The following LRP1B variants were observed in gnomAD, a reference collection of about 807,000 sequenced individuals.
LRP1B encodes low-density lipoprotein receptor-related protein 1B.
A neutral mutation model predicts 556.6 loss-of-function variants in LRP1B; 217 were observed. The ratio of observed to expected loss-of-function variants is 0.39; its 90% confidence interval spans 0.35 to 0.44. LRP1B has a LOEUF of 0.44. Ranked by LOEUF, LRP1B falls within the 20% of genes least tolerant of loss-of-function variation. The pLI is 1.00. For missense variants in LRP1B, 5,053 were observed against 5,620.8 expected (o/e 0.90, Z 3.23); for synonymous variants, 2,047 against 1,865.8 (o/e 1.10, Z -2.50).
chr2:140,505,962 G>T lies in LRP1B; in HGVS notation c.8521+834C>A, dbSNP rs147063980. ...ATTGATGCTATCATTAAAGTTGTAG[G>T]TTGTATAGATATTATATATAACATA... is the stretch of plus-strand genomic sequence containing the variant. On this transcript the variant is annotated intron_variant, in intron 53 of 90. Transcript: ENST00000389484. Among the ~76,000 whole-genome samples, 667 of 152,036 alleles carry T rather than the reference G, an allele frequency of 4.4e-3. 6 individuals are homozygous for T. Among genetic ancestry groups the T allele is most frequent in the African/African-American group, 0.016 (648 of 41,476 alleles).
At chr2:141,769,824 C>G (rs1694840350) in intron 2 of LRP1B, among the ~76,000 whole-genome samples, 1 of 90,460 alleles carries the variant, frequency 1.1e-5, no homozygotes, top group Admixed American at 9.9e-5. Flanking sequence ...GTTACTGAGA[C>G]AGGGACTGTT....
chr2:140,891,650 C>T (rs964511171), intron 23 of LRP1B, among the ~76,000 whole-genome samples: 2 of 152,030 alleles, frequency 1.3e-5, no homozygotes, highest in African/African-American at 4.8e-5. Context: ...ACTTGCTTCC[C>T]TCCATTTCTC....
At chr2:141,017,644 C>CAT (rs57888884) in intron 12 of LRP1B, among the ~76,000 whole-genome samples, 27,425 of 150,502 alleles carry the variant, frequency 0.18, 2,597 homozygotes, top group East Asian at 0.24. Flanking sequence ...AGAGAGGTTA[C>CAT]ATATATATAT....
At chr2:142,066,554 G>A (rs1014392138) in intron 1 of LRP1B, among the ~76,000 whole-genome samples, 1 of 151,398 alleles carries the variant, frequency 6.6e-6, no homozygotes, top group African/African-American at 2.4e-5. Flanking sequence ...TTTAATGTGT[G>A]CATTTCTTCT....
chr2:141,880,048 TTTAGAAA>T (rs139261973), intron 1 of LRP1B, among the ~76,000 whole-genome samples: 54,941 of 151,610 alleles, frequency 0.36, 11,146 homozygotes, highest in Admixed American at 0.48. Flanking sequence ...CACTTCACAC[TTTAGAAA>T]TTAGAATTAG....
chr2:141,542,044 A>G (rs1039203953), intron 2 of LRP1B, among the ~76,000 whole-genome samples: 5 of 123,326 alleles, frequency 4.1e-5, no homozygotes, highest in African/African-American at 1.4e-4. Context: ...ATTTCACTTC[A>G]AATTATGTAA....
chr2:140,841,000 C>A lies in LRP1B; in HGVS notation c.5032G>T (p.Ala1678Ser), dbSNP rs2105097789. The A allele has an allele frequency of 6.2e-7, 1 of 1,613,484 alleles. No individual in the cohort carries two copies. ...SEFDETQINV[A>S]RLDGSLKTSI... ...GTTTTCAAAGAGCCATCTAGCCTTG[C>A]CACATTAATTTGCGTTTCATCAAAT... is the stretch of plus-strand genomic sequence containing the variant. Residue 1678 changes from alanine to serine, a missense_variant, in exon 30 of 91, where the codon GCA (alanine) becomes TCA (serine). By Grantham distance (99) the Ala-to-Ser change is moderately conservative. Around this residue, in one of 5 missense-constraint regions of LRP1B, gnomAD observed 3,619 missense variants for 3,931.9 expected, o/e 0.92. Transcript: ENST00000389484.
chr2:141,888,760 C>T lies in LRP1B; in HGVS notation c.83-78359G>A, dbSNP rs576775296. Among the ~76,000 whole-genome samples the T allele has an allele frequency of 5.3e-5, 8 of 152,062 alleles. No homozygotes were observed. The South Asian group carries it at 6.2e-4, about 12-fold the overall frequency. ...GCTGACCTGACGGAATGACAGTGCT[C>T]GGGAAGTTAGAAGCTGGAAGTAGGT... On this transcript the variant is annotated intron_variant, in intron 1 of 90. Transcript: ENST00000389484.
intron 1 of LRP1B, among the ~76,000 whole-genome samples, chr2:141,861,808 T>TTA (rs971154521): frequency 6.6e-5 from 10 of 152,126 alleles, no homozygotes; most frequent in Admixed American, 5.9e-4. Flanking sequence ...CAGGTGCCTA[T>TTA]AGTCCCAGTC....
intron 2 of LRP1B, among the ~76,000 whole-genome samples, chr2:141,680,402 A>G (rs1283845060): frequency 6.6e-6 from 1 of 152,174 alleles, no homozygotes; most frequent in African/African-American, 2.4e-5. Flanking sequence ...TGAGCAAATA[A>G]ATGGGAAAAA....
intron 1 of LRP1B, among the ~76,000 whole-genome samples, chr2:142,068,833 T>C (rs1705203861): frequency 6.6e-6 from 1 of 151,608 alleles, no homozygotes; most frequent in Non-Finnish European, 1.5e-5. Flanking sequence ...GGTCGGCTAA[T>C]GGTAATATTT....
chr2:141,894,803 A>G (rs547923832), intron 1 of LRP1B, among the ~76,000 whole-genome samples: 30 of 152,108 alleles, frequency 2.0e-4, no homozygotes, highest in African/African-American at 7.0e-4. Context: ...TAATCCCAGC[A>G]CCTTGGGAGG....
At chr2:141,579,914 A>T (rs1686903984) in intron 2 of LRP1B, among the ~76,000 whole-genome samples, 1 of 151,902 alleles carries the variant, frequency 6.6e-6, no homozygotes, top group African/African-American at 2.4e-5. Context: ...ATTAGCCAGG[A>T]TGGTCTCTGT....
intron 3 of LRP1B, among the ~76,000 whole-genome samples, chr2:141,268,808 C>T (rs1684984295): frequency 6.6e-6 from 1 of 152,016 alleles, no homozygotes. Context: ...ACAGCCAAAA[C>T]CCAGGAATAT....
intron 66 of LRP1B, among the ~76,000 whole-genome samples, chr2:140,390,336 G>A (rs745902803): frequency 5.0e-4 from 76 of 152,104 alleles, no homozygotes; most frequent in African/African-American, 1.8e-3. Flanking sequence ...TTTCAATAAA[G>A]GCCTGTAGTC....
Position 140,956,215 on chromosome 2 carries a change from A to G in LRP1B, c.2888-4275T>C, listed in dbSNP as rs115139008. On this transcript the variant is annotated intron_variant, in intron 18 of 90. Coordinates refer to ENST00000389484, the MANE Select transcript of LRP1B (RefSeq NM_018557.3). The stretch of plus-strand genomic sequence containing the variant: ...TATCCCTGCAATTGTTAACACTAAC[A>G]CCAATTTGCAGAAGAAAACAGTATA... Among the ~76,000 whole-genome samples the G allele has an allele frequency of 1.7e-3, 253 of 151,922 alleles. 1 individual carries two copies. Among genetic ancestry groups the G allele is most frequent in the African/African-American group, 5.9e-3 (245 of 41,542 alleles).
chr2:140,526,064 T>G, intron 48 of LRP1B, 71 bp from the exon 49 acceptor site: 2 of 1,517,404 alleles, frequency 1.3e-6, no homozygotes, highest in Non-Finnish European at 1.8e-6. Context: ...ATGTAGGTCA[T>G]AGAGATGAGA....
intron 31 of LRP1B, among the ~76,000 whole-genome samples, chr2:140,831,908 T>G (rs986309542): frequency 6.6e-6 from 1 of 152,064 alleles, no homozygotes; most frequent in Non-Finnish European, 1.5e-5. Flanking sequence ...CCAACAGATA[T>G]ATGAAAAAAT....
chr2:141,495,092 T>A (rs2105120704), intron 2 of LRP1B, among the ~76,000 whole-genome samples: 1 of 152,106 alleles, frequency 6.6e-6, no homozygotes, highest in Non-Finnish European at 1.5e-5. Context: ...ATCTATGTTG[T>A]AGGCTATAAA....
Sources: allele counts gnomAD v4.1 joint callset (sites outside exome capture counted in the v4.1 genomes callset), GRCh38; gene constraint gnomAD v4.1.1; regional missense constraint gnomAD v4.1.1; transcripts MANE v1.5; gene names NCBI Gene and HGNC (gene_info 2026-07-23, HGNC 2026-07-21).